The following ARHGAP26 variants were observed in gnomAD, a reference collection of about 807,000 sequenced individuals.
The protein encoded by ARHGAP26 is rho GTPase-activating protein 26.
A neutral mutation model predicts 104.8 loss-of-function variants in ARHGAP26; 38 were observed. The ratio of observed to expected loss-of-function variants is 0.36; its 90% confidence interval spans 0.28 to 0.48. The LOEUF is 0.48. Ranked by LOEUF, ARHGAP26 falls within the 20% of genes least tolerant of loss-of-function variation. The pLI is 0.99. For synonymous variants in ARHGAP26, 341 were observed against 340.0 expected, an observed-to-expected ratio of 1.00 and a Z score of -0.03; for missense variants, 704 against 947.9, an observed-to-expected ratio of 0.74 and a Z score of 3.38.
intron 1 of ARHGAP26, among the ~76,000 whole-genome samples, chr5:142,837,691 T>C (rs1362896815): frequency 1.3e-5 from 2 of 152,212 alleles, no homozygotes; most frequent in African/African-American, 2.4e-5. Flanking sequence ...TTTCGTAAGA[T>C]CCCTGATTCT....
chr5:142,992,356 A>G (rs763509047), intron 11 of ARHGAP26, among the ~76,000 whole-genome samples: 9 of 152,092 alleles, frequency 5.9e-5, no homozygotes, highest in Admixed American at 1.3e-4. Flanking sequence ...ATAATTAACT[A>G]TTTCACAACT....
chr5:142,994,269 G>A (rs192961023), intron 11 of ARHGAP26, among the ~76,000 whole-genome samples: 2 of 152,310 alleles, frequency 1.3e-5, no homozygotes, highest in East Asian at 1.9e-4. Flanking sequence ...GGCTTCCTTG[G>A]CAAGAAATAT....
At chr5:143,196,406 C>T (rs1373688350) in intron 20 of ARHGAP26, among the ~76,000 whole-genome samples, 2 of 152,178 alleles carry the variant, frequency 1.3e-5, no homozygotes, top group Non-Finnish European at 2.9e-5. Flanking sequence ...AATACTAAGC[C>T]ATTGCATGGA....
chr5:143,207,429 C>T lies in ARHGAP26; in HGVS notation c.2099+121C>T, dbSNP rs371525720. On this transcript the variant is annotated intron_variant, in intron 21 of 22. Coordinates refer to ENST00000645722, the MANE Select transcript of ARHGAP26 (RefSeq NM_001135608.3). ...TTGTTCCCTGCCATCCAAACCTGCA[C>T]TTGCTTTTTGACAGGCCAGAAGAAG... The T allele has an allele frequency of 4.5e-5, 73 of 1,614,166 alleles. No individual in the cohort carries two copies. The East Asian group carries it at 8.0e-4, about 18-fold the overall frequency.
chr5:143,040,175 A>G (rs917981986), intron 13 of ARHGAP26, among the ~76,000 whole-genome samples: 2 of 152,226 alleles, frequency 1.3e-5, no homozygotes, highest in Admixed American at 6.5e-5. Flanking sequence ...TTACTGAATC[A>G]AGTTTCTGCC....
chr5:142,991,973 A>G (rs1048176446), intron 11 of ARHGAP26, among the ~76,000 whole-genome samples: 14 of 152,240 alleles, frequency 9.2e-5, no homozygotes, highest in African/African-American at 3.4e-4. Flanking sequence ...CCCTGAGCCT[A>G]CATCTATACT....
chr5:143,190,556 AT>A (rs113335980), intron 20 of ARHGAP26, among the ~76,000 whole-genome samples: 7,222 of 152,308 alleles, frequency 0.047, 519 homozygotes, highest in African/African-American at 0.16. Flanking sequence ...TGAAATAAAG[AT>A]ATTCCCAGAC....
intron 1 of ARHGAP26, among the ~76,000 whole-genome samples, chr5:142,845,541 C>T (rs1023383677): frequency 1.4e-4 from 22 of 152,260 alleles, no homozygotes; most frequent in African/African-American, 4.3e-4. Flanking sequence ...GCCAGACATC[C>T]GCAGTTACTG....
At chr5:143,097,405 A>T (rs1200933450) in intron 17 of ARHGAP26, among the ~76,000 whole-genome samples, 2 of 151,620 alleles carry the variant, frequency 1.3e-5, no homozygotes, top group African/African-American at 2.4e-5. Flanking sequence ...ACTGTAAAGT[A>T]CAAATCAGAG....
intron 1 of ARHGAP26, among the ~76,000 whole-genome samples, chr5:142,806,012 A>G (rs1762918913): frequency 6.6e-6 from 1 of 152,266 alleles, no homozygotes; most frequent in Admixed American, 6.5e-5. Context: ...TGGGTTATTC[A>G]TAAGCCTAAA....
chr5:142,812,729 G>A (rs1268371759), intron 1 of ARHGAP26, among the ~76,000 whole-genome samples: 1 of 151,968 alleles, frequency 6.6e-6, no homozygotes, highest in East Asian at 1.9e-4. Flanking sequence ...TTAGCGATGG[G>A]GTCTTGCTAT....
intron 11 of ARHGAP26, among the ~76,000 whole-genome samples, chr5:142,982,623 C>T (rs1208825090): frequency 1.3e-5 from 2 of 152,162 alleles, no homozygotes; most frequent in East Asian, 1.9e-4. Flanking sequence ...ATTCCAGCCT[C>T]GCTATTTTAT....
intron 2 of ARHGAP26, chr5:142,874,816 G>C: frequency 3.5e-6 from 1 of 282,640 alleles, no homozygotes; most frequent in Non-Finnish European, 6.6e-6. Flanking sequence ...CTTCCAGCCC[G>C]GGGCCTGGAA....
intron 11 of ARHGAP26, among the ~76,000 whole-genome samples, chr5:142,947,887 G>T (rs559168342): frequency 2.4e-4 from 36 of 152,252 alleles, no homozygotes; most frequent in Middle Eastern, 3.4e-3. Flanking sequence ...AGGTGCAGTG[G>T]TGTACGCCTG....
intron 1 of ARHGAP26, among the ~76,000 whole-genome samples, chr5:142,774,247 C>G (rs766286652): frequency 1.3e-5 from 2 of 152,106 alleles, no homozygotes; most frequent in African/African-American, 2.4e-5. Flanking sequence ...AAATTAAATT[C>G]AAACAAATTT....
At chr5:143,023,887 CTTT>C (rs1780675002) in intron 12 of ARHGAP26, among the ~76,000 whole-genome samples, 1 of 152,224 alleles carries the variant, frequency 6.6e-6, no homozygotes, top group Non-Finnish European at 1.5e-5. Flanking sequence ...TCCCCACACC[CTTT>C]TTCTTTCCCC....
chr5:143,059,840 ATG>A (rs1390860080), intron 17 of ARHGAP26, among the ~76,000 whole-genome samples: 1 of 152,172 alleles, frequency 6.6e-6, no homozygotes, highest in African/African-American at 2.4e-5. Context: ...TCATGCTGTA[ATG>A]TGAGTTGGTT....
intron 17 of ARHGAP26, among the ~76,000 whole-genome samples, chr5:143,064,045 C>G (rs576497404): frequency 6.6e-6 from 1 of 152,240 alleles, no homozygotes; most frequent in East Asian, 1.9e-4. Context: ...TGGTGGTATC[C>G]TACACATTAC....
intron 17 of ARHGAP26, among the ~76,000 whole-genome samples, chr5:143,105,350 T>A (rs1793839359): frequency 6.6e-6 from 1 of 151,066 alleles, no homozygotes; most frequent in Admixed American, 6.6e-5. Flanking sequence ...CACTCCAGCC[T>A]GGGCAACAAG....
Sources: allele counts gnomAD v4.1 joint callset (sites outside exome capture counted in the v4.1 genomes callset), GRCh38; gene constraint gnomAD v4.1.1; transcripts MANE v1.5; gene names NCBI Gene and HGNC (gene_info 2026-07-23, HGNC 2026-07-21).